SLC43A2: variants seen among roughly 807,000 people sequenced by gnomAD.
SLC43A2 encodes solute carrier family 43 member 2.
SLC43A2 carries 38 observed loss-of-function variants against 63.2 expected under a neutral mutation model. The ratio of observed to expected loss-of-function variants is 0.60; its 90% CI spans 0.46 to 0.79. The LOEUF (loss-of-function observed/expected upper bound fraction) is 0.79. SLC43A2 is among the 30% of genes least tolerant of loss of function. The pLI is 0.00. For missense variants in SLC43A2, 644 were observed against 756.2 expected (o/e 0.85, Z 1.74); for synonymous variants, 322 against 331.0 (o/e 0.97, Z 0.30).
intron 3 of SLC43A2, among the ~76,000 whole-genome samples, chr17:1,615,255 G>A (rs985940816): frequency 2.6e-5 from 4 of 151,616 alleles, no homozygotes; most frequent in African/African-American, 7.3e-5. Context: ...TATTACAGGC[G>A]CCCACCACCA....
intron 9 of SLC43A2, chr17:1,586,928 T>TGACCCCCCCCC: frequency 2.4e-6 from 3 of 1,232,912 alleles, no homozygotes; most frequent in Non-Finnish European, 3.4e-6. Context: ...TCCCTGACAA[T>TGACCCCCCCCC]CCCCCCCACC....
chr17:1,588,309 C>A (rs562363940), intron 9 of SLC43A2, among the ~76,000 whole-genome samples: 1 of 152,140 alleles, frequency 6.6e-6, no homozygotes, highest in African/African-American at 2.4e-5. Context: ...TCGCTTGAAC[C>A]CGAGAGGCGG....
intron 5 of SLC43A2, among the ~76,000 whole-genome samples, chr17:1,594,701 C>T (rs941235059): frequency 2.7e-5 from 4 of 149,258 alleles, no homozygotes; most frequent in Non-Finnish European, 5.9e-5. Flanking sequence ...CATTCTCCTG[C>T]CTCAGCCTCC....
intron 13 of SLC43A2, 34 bp downstream of exon 13, chr17:1,576,563 C>A (rs762317755): frequency 4.5e-6 from 7 of 1,572,646 alleles, no homozygotes; most frequent in Non-Finnish European, 6.0e-6. Flanking sequence ...AGGGGGCAGG[C>A]GCCCATGACC....
chr17:1,594,755 T>C (rs1047648079), intron 5 of SLC43A2, among the ~76,000 whole-genome samples: 1 of 151,296 alleles, frequency 6.6e-6, no homozygotes, highest in Non-Finnish European at 1.5e-5. Context: ...ACCCGGCTAA[T>C]TTTTTTGTAT....
intron 2 of SLC43A2, among the ~76,000 whole-genome samples, chr17:1,623,598 C>T (rs1908355558): frequency 6.6e-6 from 1 of 151,920 alleles, no homozygotes; most frequent in Non-Finnish European, 1.5e-5. Context: ...CCCCTTCCCA[C>T]TTCTCTCCTC....
At chr17:1,619,676 T>A (rs1403639250) in intron 2 of SLC43A2, among the ~76,000 whole-genome samples, 2 of 152,172 alleles carry the variant, frequency 1.3e-5, no homozygotes, top group East Asian at 3.8e-4. Flanking sequence ...TGTGAGTTGG[T>A]GTTGGTTTCA....
rs1427481151 is a variant in SLC43A2 at position 1,590,821 on chromosome 17, G to A, written c.1059C>T (p.Val353=). The A allele has an allele frequency of 1.9e-6, 3 of 1,555,552 alleles. No individual in the cohort carries two copies. Among genetic ancestry groups the A allele is most frequent in the South Asian group, 1.2e-5 (1 of 84,340 alleles). ...GAMNNILKFL[V]SGDQKTVGLY... Reference sequence around the variant, plus strand: ...ACCTACCTGTCTTCTGGTCGCCGCTGACCAGGAACTTGAGGATGTTGTTCA... The same window carrying A: ...ACCTACCTGTCTTCTGGTCGCCGCTAACCAGGAACTTGAGGATGTTGTTCA... The change falls in exon 9 of 14, where the codon GTC becomes GTT. Residue 353 remains valine (V), a synonymous_variant. Transcript: ENST00000301335.
chr17:1,616,043 GAA>G (rs77735350), intron 3 of SLC43A2, among the ~76,000 whole-genome samples: 7 of 70,090 alleles, frequency 1.0e-4, no homozygotes, highest in African/African-American at 1.0e-4. Flanking sequence ...ACTCCGTCTT[GAA>G]AAAAAAAAAA....
rs1281581903 is a variant in SLC43A2 at position 1,575,001 on chromosome 17, C to T, written c.*603G>A. On this transcript the variant is annotated 3_prime_UTR_variant, in exon 14 of 14. Transcript: ENST00000301335. ...CCAGCCCGCTAAACCCTCTCCAGGGCATAAGCCAGGTGGGGCTTCTCCACC... is the reference window on the plus strand; with the variant it reads ...CCAGCCCGCTAAACCCTCTCCAGGGTATAAGCCAGGTGGGGCTTCTCCACC... 1 of 158,890 alleles carries T rather than the reference C, an allele frequency of 6.3e-6. No individual in the cohort carries two copies. Among genetic ancestry groups the T allele is most frequent in the African/African-American group, 2.4e-5 (1 of 41,488 alleles). 9.8% of individuals were successfully genotyped at this position (158,890 alleles called of 1,614,324 possible).
intron 5 of SLC43A2, among the ~76,000 whole-genome samples, chr17:1,609,260 G>A (rs1484043791): frequency 1.3e-5 from 2 of 152,092 alleles, no homozygotes; most frequent in African/African-American, 4.8e-5. Context: ...GGAGTGCAGT[G>A]GCGCAATCTC....
At chr17:1,614,152 A>C (rs1907378306) in intron 4 of SLC43A2, among the ~76,000 whole-genome samples, 2 of 152,088 alleles carry the variant, frequency 1.3e-5, no homozygotes, top group South Asian at 4.1e-4. Flanking sequence ...CTGAGGCAGG[A>C]GAATGGCGTG....
intron 5 of SLC43A2, among the ~76,000 whole-genome samples, chr17:1,612,697 C>A (rs1907233425): frequency 6.6e-6 from 1 of 152,264 alleles, no homozygotes; most frequent in Admixed American, 6.5e-5. Context: ...GTCGGCCAGG[C>A]CAGGTGGCTC....
At chr17:1,595,612 A>C (rs958396390) in intron 5 of SLC43A2, among the ~76,000 whole-genome samples, 12 of 151,998 alleles carry the variant, frequency 7.9e-5, no homozygotes, top group African/African-American at 2.7e-4. Flanking sequence ...TGCCCGGCTA[A>C]TTTTTGTATT....
rs1474737841 is a variant in SLC43A2, at chr17:1,572,028, C to G, written c.*3576G>C. The stretch of plus-strand genomic sequence containing the variant: ...GAGGGGCAGACGGGAGGCCCGGCCA[C>G]TGGTGCCTGCTCCTTTGATCAGCTG... On this transcript the variant is annotated 3_prime_UTR_variant, in exon 14 of 14. Transcript: ENST00000301335. The G allele has an allele frequency of 6.6e-6, 1 of 152,552 alleles. No individual in the cohort carries two copies. Among genetic ancestry groups the G allele is most frequent in the African/African-American group, 2.4e-5 (1 of 41,464 alleles). 9.4% of individuals were successfully genotyped at this position (152,552 alleles called of 1,614,324 possible).
At chr17:1,626,377 T>C (rs1330115027) in intron 2 of SLC43A2, among the ~76,000 whole-genome samples, 1 of 152,166 alleles carries the variant, frequency 6.6e-6, no homozygotes, top group Non-Finnish European at 1.5e-5. Flanking sequence ...AAGGTCTGAC[T>C]CTTCCCAACT....
At chr17:1,602,510 G>T (rs917512515) in intron 5 of SLC43A2, among the ~76,000 whole-genome samples, 2 of 151,864 alleles carry the variant, frequency 1.3e-5, no homozygotes, top group African/African-American at 4.8e-5. Context: ...GCCGGACATG[G>T]TGGCAGGCAC....
rs35737749 is a variant in SLC43A2, at chr17:1,626,172, C to CTT, written c.160+1541_160+1542dup. ...TCTGGGGACGATGACTTTTTTTCTG[C>CTT]TTTTTTTTTTTTTTTTTAAACCCTG... On this transcript the variant is annotated intron_variant, in intron 2 of 13. Coordinates refer to ENST00000301335, the MANE Select transcript of SLC43A2 (RefSeq NM_152346.3). Among the ~76,000 whole-genome samples the CTT allele has an allele frequency of 7.8e-3, 1,048 of 134,530 alleles. 11 individuals carry two copies. The highest frequency in any genetic ancestry group is 0.017 in the South Asian group (69 of 4,122). 88.3% of individuals were successfully genotyped at this position (134,530 alleles called of 152,430 possible). A position where few individuals can be genotyped will look rare whatever the true frequency, so the allele number is the denominator to read the frequency against.
chr17:1,576,746 C>G (rs371247164), intron 12 of SLC43A2, 26 bp from the exon 13 acceptor site: 6 of 1,604,780 alleles, frequency 3.7e-6, no homozygotes, highest in South Asian at 3.3e-5. Flanking sequence ...CAGCTCACAG[C>G]CATCCTGCCT....
Sources: gnomAD v4.1 joint callset for allele counts (sites outside exome capture counted in the v4.1 genomes callset) on GRCh38, gnomAD v4.1.1 for gene constraint, MANE v1.5 for transcripts, NCBI Gene and HGNC (gene_info 2026-07-23, HGNC 2026-07-21) for gene names.